The following RAD54B variants were observed in gnomAD, a reference collection of about 807,000 sequenced individuals.
RAD54B encodes the protein RAD54 homolog B.
In RAD54B, 78 loss-of-function variants were observed where a neutral mutation model predicts 95.8. That is an observed-to-expected ratio of 0.81 (90% CI 0.68 to 0.98). The LOEUF is 0.98. Ranked by LOEUF, RAD54B falls within the 50% of genes least tolerant of loss-of-function variation. The pLI is 0.00. For missense variants in RAD54B, 957 were observed against 1,056.6 expected, an observed-to-expected ratio of 0.91 and a Z score of 1.31; for synonymous variants, 328 against 354.9, an observed-to-expected ratio of 0.92 and a Z score of 0.85.
At chr8:94,422,076 C>T (rs1457671871) in intron 3 of RAD54B, among the ~76,000 whole-genome samples, 1 of 151,960 alleles carries the variant, frequency 6.6e-6, no homozygotes. Context: ...TTTCCGATTG[C>T]CAAATTAGAT....
rs1432240610 is a variant in RAD54B at position 94,407,569 on chromosome 8, G to A, written c.651C>T (p.Ile217=). 1 of 1,613,908 alleles carries A rather than the reference G, an allele frequency of 6.2e-7. No individual in the cohort carries two copies. The highest frequency in any genetic ancestry group is 8.5e-7 in the Non-Finnish European group (1 of 1,179,956). The change falls in exon 5 of 15, where the codon ATC becomes ATT. Residue 217 remains isoleucine (I), a synonymous_variant. Transcript: ENST00000336148. ...TCCTGGCAACCTGAGAAGAATGCGAGATAGCAGTACTTCCTCCTCCAAGCT... is the reference window on the plus strand; with the variant it reads ...TCCTGGCAACCTGAGAAGAATGCGAAATAGCAGTACTTCCTCCTCCAAGCT... The part of the protein sequence containing the change: ...CFQLGGGSTA[I]SHSSQVARKC...
chr8:94,451,464 C>T (rs7813457), intron 3 of RAD54B, among the ~76,000 whole-genome samples: 1,738 of 152,260 alleles, frequency 0.011, 24 homozygotes, highest in African/African-American at 0.04. Context: ...AGAAAACTAA[C>T]ATTTGGCAAC....
chr8:94,432,935 A>G (rs898526497), intron 3 of RAD54B, among the ~76,000 whole-genome samples: 8 of 152,150 alleles, frequency 5.3e-5, no homozygotes, highest in African/African-American at 1.9e-4. Context: ...AAGAAAATAA[A>G]AAGAAAAGCC....
At chr8:94,432,665 C>T (rs1217060343) in intron 3 of RAD54B, 1 of 1,480,706 alleles carries the variant, frequency 6.8e-7, no homozygotes, top group Non-Finnish European at 9.0e-7. Flanking sequence ...CACTATAGCA[C>T]ACAAAAAAGC....
At chr8:94,384,256 G>T (rs2450562) in intron 11 of RAD54B, among the ~76,000 whole-genome samples, 133,824 of 152,198 alleles carry the variant, frequency 0.88, 59,728 homozygotes, top group Non-Finnish European at 0.96. Flanking sequence ...CAAGTGTTCA[G>T]CAATAGATGA....
intron 10 of RAD54B, among the ~76,000 whole-genome samples, chr8:94,390,079 C>T (rs1810980240): frequency 6.6e-6 from 1 of 152,022 alleles, no homozygotes; most frequent in Non-Finnish European, 1.5e-5. Context: ...GTGGCTCACA[C>T]CTGTAATCTC....
intron 3 of RAD54B, among the ~76,000 whole-genome samples, chr8:94,435,536 G>C (rs757776909): frequency 1.2e-4 from 19 of 152,096 alleles, no homozygotes; most frequent in Admixed American, 3.3e-4. Context: ...AACTAACAAG[G>C]AGTTTACAAT....
chr8:94,375,281 T>C (rs2129939647), intron 14 of RAD54B, among the ~76,000 whole-genome samples: 1 of 152,282 alleles, frequency 6.6e-6, no homozygotes, highest in Middle Eastern at 3.4e-3. Context: ...TTTGGCAGTG[T>C]CCCCACCCAA....
chr8:94,471,465 G>A (rs560374358), intron 1 of RAD54B, among the ~76,000 whole-genome samples: 5 of 152,154 alleles, frequency 3.3e-5, no homozygotes, highest in South Asian at 4.2e-4. Context: ...TGTTGGAGGT[G>A]ATAGAAATAA....
At chr8:94,394,122 A>G (rs966225393) in intron 8 of RAD54B, among the ~76,000 whole-genome samples, 1 of 152,258 alleles carries the variant, frequency 6.6e-6, no homozygotes, top group African/African-American at 2.4e-5. Context: ...AGTATAGCAT[A>G]GAGACTGAGT....
At chr8:94,442,365 A>AG (rs35250644) in intron 3 of RAD54B, among the ~76,000 whole-genome samples, 72,218 of 151,714 alleles carry the variant, frequency 0.48, 17,679 homozygotes, top group East Asian at 0.81. Flanking sequence ...CAAGGTCAGG[A>AG]ATCAAGACCA....
intron 3 of RAD54B, among the ~76,000 whole-genome samples, chr8:94,427,537 G>A (rs1260692115): frequency 2.6e-5 from 4 of 151,946 alleles, no homozygotes; most frequent in Non-Finnish European, 5.9e-5. Context: ...TTGAGAAGCT[G>A]TGGCTCTTAA....
At chr8:94,400,212 T>C in intron 7 of RAD54B, 26 bp downstream of exon 7, 2 of 1,584,378 alleles carry the variant, frequency 1.3e-6, no homozygotes, top group Non-Finnish European at 1.7e-6. Flanking sequence ...TTTAAATGAC[T>C]AAGGCTAAAC....
chr8:94,468,960 T>C (rs1813099920), intron 1 of RAD54B, among the ~76,000 whole-genome samples: 1 of 151,656 alleles, frequency 6.6e-6, no homozygotes, highest in Non-Finnish European at 1.5e-5. Flanking sequence ...AGACTTCAAC[T>C]GAAAAAACAA....
intron 11 of RAD54B, among the ~76,000 whole-genome samples, chr8:94,382,030 C>T (rs896176403): frequency 2.0e-5 from 3 of 150,024 alleles, no homozygotes; most frequent in African/African-American, 4.9e-5. Context: ...AGGAGAATGG[C>T]GTGAACCTGG....
chr8:94,419,734 GCCTGGC>G (rs569514143), intron 3 of RAD54B, among the ~76,000 whole-genome samples: 1 of 115,368 alleles, frequency 8.7e-6, no homozygotes, highest in Non-Finnish European at 1.6e-5. Flanking sequence ...TTCTCTCACA[GCCTGGC>G]CCCCACCAAA....
intron 2 of RAD54B, among the ~76,000 whole-genome samples, chr8:94,461,410 C>G (rs1261708876): frequency 6.6e-6 from 1 of 151,280 alleles, no homozygotes; most frequent in Non-Finnish European, 1.5e-5. Context: ...CTCAGGTGAT[C>G]CGCCTGCCTC....
At position 94,407,498 on chromosome 8, in the gene RAD54B, T is replaced by G. The variant is rs111586647; in HGVS notation, c.722A>C (p.Lys241Thr). ...TTGGAAATCATTCTGTCTATTTTCC[T>G]TTGAACTTGGTTTACAAACACTTTT... ...PFKSVCKPSS[K>T]ENRQNDFQNC... Residue 241 changes from lysine to threonine, a missense_variant, in exon 5 of 15, where the codon AAG (lysine) becomes ACG (threonine). Physicochemically the swap from Lys to Thr is moderately conservative, Grantham distance 78. Coordinates refer to ENST00000336148, the MANE Select transcript of RAD54B (RefSeq NM_012415.3). 1.4e-5 allele frequency: 22 copies of G among 1,613,974 alleles called. No individual in the cohort carries two copies. The highest frequency in any genetic ancestry group is 1.2e-4 in the African/African-American group (9 of 75,050).
intron 10 of RAD54B, among the ~76,000 whole-genome samples, chr8:94,387,605 C>A (rs1383900954): frequency 6.6e-6 from 1 of 152,180 alleles, no homozygotes; most frequent in Non-Finnish European, 1.5e-5. Flanking sequence ...CTTCATACAA[C>A]ACCTTTACAT....
Sources: gnomAD v4.1 joint callset for allele counts (sites outside exome capture counted in the v4.1 genomes callset) on GRCh38, gnomAD v4.1.1 for gene constraint, MANE v1.5 for transcripts, NCBI Gene and HGNC (gene_info 2026-07-23, HGNC 2026-07-21) for gene names.